The following SPRY3 variants were observed in gnomAD, a reference collection of about 807,000 sequenced individuals.
SPRY3 encodes the protein protein sprouty homolog 3.
A neutral mutation model predicts 20.2 loss-of-function variants in SPRY3; 15 were observed. The ratio of observed to expected loss-of-function variants is 0.74; its 90% CI spans 0.50 to 1.14. The LOEUF is 1.14. SPRY3 is among the 50% of genes most tolerant of loss of function. The pLI, the probability that SPRY3 is intolerant of heterozygous loss-of-function variation, is 0.00. For synonymous variants in SPRY3, 143 were observed against 136.5 expected (o/e 1.05, Z -0.33); for missense variants, 364 against 363.9 (o/e 1.00, Z 0.00).
chrX:155,735,598 A>G (rs1301372405), intron 2 of SPRY3, among the ~76,000 whole-genome samples: 2 of 152,012 alleles, frequency 1.3e-5, no homozygotes, highest in Admixed American at 6.6e-5. Flanking sequence ...TTGCTCTGAA[A>G]TCTGCTTCAT....
chrX:155,678,580 G>C (rs774185097), intron 2 of SPRY3, among the ~76,000 whole-genome samples: 4 of 111,616 alleles, frequency 3.6e-5, no homozygotes, highest in Non-Finnish European at 5.6e-5. Context: ...GTAAAAAAGA[G>C]ACCCAAAAGA....
At chrX:155,766,837 C>G (rs1309914569) in intron 2 of SPRY3, among the ~76,000 whole-genome samples, 1 of 152,090 alleles carries the variant, frequency 6.6e-6, no homozygotes, top group Non-Finnish European at 1.5e-5. Flanking sequence ...TGAATGCATG[C>G]CATGCTAAAG....
At chrX:155,777,342 C>T (rs1196693028), downstream of SPRY3, 1 of 166,836 alleles carries the variant, frequency 6.0e-6, no homozygotes, top group Non-Finnish European at 1.5e-5. Context: ...CCTTGATATC[C>T]CAATCTTGCA....
At chrX:155,768,331 G>GAA (rs965936935) in intron 3 of SPRY3, among the ~76,000 whole-genome samples, 195 bp downstream of exon 2, 3 of 152,128 alleles carry the variant, frequency 2.0e-5, no homozygotes, top group African/African-American at 7.2e-5. Flanking sequence ...GGCTCTCGCA[G>GAA]AAAACTATCC....
At chrX:155,774,431 G>C (rs370795244) in exon 4 of SPRY3, 1 of 1,614,018 alleles carries the variant, frequency 6.2e-7, no homozygotes, top group South Asian at 1.1e-5. Context: ...TATGGCACTT[G>C]TCTCTGCTGT....
intron 2 of SPRY3, among the ~76,000 whole-genome samples, chrX:155,673,016 G>A (rs1325674476): frequency 1.2e-5 from 1 of 83,605 alleles, no homozygotes; most frequent in Non-Finnish European, 2.3e-5. Context: ...ATTGAACAAT[G>A]AGAACACATG....
intron 1 of SPRY3, among the ~76,000 whole-genome samples, chrX:155,654,297 T>G (rs1477347557): frequency 2.7e-5 from 3 of 112,184 alleles, no homozygotes; most frequent in Non-Finnish European, 5.6e-5. Context: ...CCATATTTGG[T>G]AACTATTTTC....
At chrX:155,774,467 C>T (rs752658039) in exon 4 of SPRY3, 4 of 1,614,028 alleles carry the variant, frequency 2.5e-6, no homozygotes, top group Admixed American at 3.3e-5. Context: ...TACCACTGCT[C>T]CACTGATGAT....
intron 3 of SPRY3, among the ~76,000 whole-genome samples, chrX:155,772,325 T>C (rs2091385896): frequency 6.6e-6 from 1 of 152,124 alleles, no homozygotes; most frequent in Non-Finnish European, 1.5e-5. Context: ...ATGAACTGCA[T>C]CCTTGTTTTT....
At position 155,724,705 on chromosome X, in the gene SPRY3, A is replaced by G. The variant is rs2091085705; in HGVS notation, c.-281-43257A>G. Among the ~76,000 whole-genome samples the G allele has an allele frequency of 2.6e-5, 4 of 152,300 alleles. No homozygotes were observed. In the South Asian group the frequency reaches 8.3e-4, roughly 32 times the overall value. On this transcript the variant is annotated intron_variant, in intron 2 of 3. Transcript: ENST00000675360. ...CTTTGCCGAAGTTGCTTATCAGCTT[A>G]AGGAGATTTTGGGCTGAGACAATGG...
chrX:155,704,460 G>A (rs1196385601), intron 2 of SPRY3, among the ~76,000 whole-genome samples: 5 of 151,602 alleles, frequency 3.3e-5, no homozygotes, highest in Non-Finnish European at 1.5e-5. Context: ...CAAAAATTTA[G>A]ACCAATAAAT....
intron 2 of SPRY3, among the ~76,000 whole-genome samples, chrX:155,697,059 C>T (rs1263287511): frequency 9.0e-6 from 1 of 110,812 alleles, no homozygotes; most frequent in Non-Finnish European, 1.9e-5. Context: ...TTATTGTACC[C>T]CTGTGATGGT....
At chrX:155,754,864 T>C (rs1334248064) in intron 2 of SPRY3, among the ~76,000 whole-genome samples, 1 of 152,034 alleles carries the variant, frequency 6.6e-6, no homozygotes. Flanking sequence ...GGAGTTGTTT[T>C]CTTAATTGCA....
chrX:155,619,057 A>C (rs1557349166), intron 1 of SPRY3, among the ~76,000 whole-genome samples: 1 of 106,678 alleles, frequency 9.4e-6, no homozygotes. Context: ...GAGGAATCCA[A>C]TCTACCAAGT....
chrX:155,773,981 A>G, exon 4 of SPRY3: 1 of 1,613,952 alleles, frequency 6.2e-7, no homozygotes, highest in Non-Finnish European at 8.5e-7. Flanking sequence ...CCCTGTAAAC[A>G]GGCCCTCTCC....
Position 155,694,345 on chromosome X carries a change from G to A in SPRY3, c.-282+37320G>A, listed in dbSNP as rs374388933. On this transcript the variant is annotated intron_variant, in intron 2 of 3. Transcript: ENST00000675360. Reference sequence around the variant, plus strand: ...GGCTTCTCTAAGGATTGAAATATGCGTCATCTTTACAGTCCATTTACAGTT... The same window carrying A: ...GGCTTCTCTAAGGATTGAAATATGCATCATCTTTACAGTCCATTTACAGTT... 3.6e-5 allele frequency among the ~76,000 whole-genome samples: 4 copies of A among 110,801 alleles called. 1 individual carries two copies. The highest frequency in any genetic ancestry group is 6.6e-5 in the African/African-American group (2 of 30,482).
intron 1 of SPRY3, among the ~76,000 whole-genome samples, chrX:155,622,610 T>A (rs1557349552): frequency 8.9e-6 from 1 of 112,387 alleles, no homozygotes; most frequent in African/African-American, 3.2e-5. Flanking sequence ...GCAGTACTTG[T>A]ACAAATTTCT....
At chrX:155,764,446 A>C (rs1405708110) in intron 2 of SPRY3, among the ~76,000 whole-genome samples, 1 of 152,236 alleles carries the variant, frequency 6.6e-6, no homozygotes, top group Admixed American at 6.5e-5. Context: ...AGCCTATCAA[A>C]AATCACGGAA....
At chrX:155,713,536 C>T (rs1602956438) in intron 2 of SPRY3, among the ~76,000 whole-genome samples, 1 of 152,118 alleles carries the variant, frequency 6.6e-6, no homozygotes, top group Admixed American at 6.6e-5. Context: ...TCCCTCCTTG[C>T]CTGTAAGGTT....
Sources: allele counts gnomAD v4.1 joint callset (sites outside exome capture counted in the v4.1 genomes callset), GRCh38; gene constraint gnomAD v4.1.1; transcripts MANE v1.5; gene names NCBI Gene and HGNC (gene_info 2026-07-23, HGNC 2026-07-21).